SCEL: variants seen among roughly 807,000 people sequenced by gnomAD.
SCEL encodes the protein sciellin.
Under a neutral mutation model 117.6 loss-of-function variants are expected in SCEL, and 113 were observed. The observed-to-expected ratio is 0.96, with a 90% CI of 0.83 to 1.12. The LOEUF is 1.12. SCEL is among the 50% of genes most tolerant of loss of function. The pLI, the probability that SCEL is intolerant of heterozygous loss-of-function variation, is 0.00. For synonymous variants in SCEL, 270 were observed against 256.2 expected (o/e 1.05, Z -0.51); for missense variants, 785 against 810.8 (o/e 0.97, Z 0.39).
At chr13:77,599,602 G>T (rs541303234) in intron 14 of SCEL, 87 bp from the exon 15 acceptor site, 1 of 1,026,308 alleles carries the variant, frequency 9.7e-7, no homozygotes, top group African/African-American at 1.6e-5. Context: ...AATTCATGGA[G>T]AATGTTTATT....
In SCEL at chr13:77,593,646, A is replaced by G. The variant is rs186055347; in HGVS notation, c.752+73A>G. On this transcript the variant is annotated intron_variant, in intron 12 of 32. Transcript: ENST00000349847. ...TCAAAAATGCTTAACCACACCTTTAAAAGTTCCAAATATGAACAAAATCCT... is the reference window on the plus strand; with the variant it reads ...TCAAAAATGCTTAACCACACCTTTAGAAGTTCCAAATATGAACAAAATCCT... 6.4e-5 allele frequency: 69 copies of G among 1,080,334 alleles called. No homozygotes were observed. The African/African-American group carries it at 8.6e-4, about 13-fold the overall frequency. 66.9% of individuals were successfully genotyped at this position (1,080,334 alleles called of 1,614,324 possible).
At chr13:77,584,471 A>G (rs1289876654) in intron 9 of SCEL, among the ~76,000 whole-genome samples, 1 of 152,054 alleles carries the variant, frequency 6.6e-6, no homozygotes, top group Non-Finnish European at 1.5e-5. Flanking sequence ...CTGCACATCC[A>G]TCTTTCCCTT....
intron 12 of SCEL, 73 bp downstream of exon 12, chr13:77,593,646 A>T: frequency 9.3e-7 from 1 of 1,080,334 alleles, no homozygotes. Flanking sequence ...CACACCTTTA[A>T]AAGTTCCAAA....
chr13:77,622,537 A>G (rs2089480585), intron 27 of SCEL, among the ~76,000 whole-genome samples: 1 of 152,170 alleles, frequency 6.6e-6, no homozygotes, highest in African/African-American at 2.4e-5. Context: ...TAGCTCATAG[A>G]TAACTCACAT....
chr13:77,614,912 A>G (rs1245760548), intron 24 of SCEL, among the ~76,000 whole-genome samples: 1 of 152,124 alleles, frequency 6.6e-6, no homozygotes, highest in East Asian at 1.9e-4. Context: ...AGGTTGTGGA[A>G]GCCAAAAAGA....
intron 3 of SCEL, among the ~76,000 whole-genome samples, chr13:77,557,502 G>A (rs1211508985): frequency 7.9e-5 from 12 of 152,188 alleles, no homozygotes; most frequent in Admixed American, 7.9e-4. Flanking sequence ...CACAACGTAG[G>A]TGTTATATCT....
At chr13:77,556,020 AAC>A in intron 2 of SCEL, 102 bp downstream of exon 2, 1 of 818,620 alleles carries the variant, frequency 1.2e-6, no homozygotes, top group Non-Finnish European at 2.0e-6. Flanking sequence ...GCTTAGAAAC[AAC>A]AGTCTAATTT....
At chr13:77,624,989 C>A (rs1443393352) in intron 27 of SCEL, among the ~76,000 whole-genome samples, 1 of 152,148 alleles carries the variant, frequency 6.6e-6, no homozygotes, top group Non-Finnish European at 1.5e-5. Flanking sequence ...AGTAATGTGA[C>A]CCTACTCTCA....
At chr13:77,548,109 G>T (rs1053644048) in intron 1 of SCEL, among the ~76,000 whole-genome samples, 13 of 152,198 alleles carry the variant, frequency 8.5e-5, no homozygotes, top group Non-Finnish European at 1.8e-4. Context: ...AGGGAGGAAA[G>T]TTCAAACAAT....
chr13:77,569,216 G>A (rs1468681082), intron 7 of SCEL, among the ~76,000 whole-genome samples, 155 bp from the exon 8 acceptor site: 1 of 152,166 alleles, frequency 6.6e-6, no homozygotes, highest in Non-Finnish European at 1.5e-5. Context: ...TGTCAACTAA[G>A]GAAGAAGATT....
At chr13:77,585,335 G>A (rs1389244995) in intron 9 of SCEL, among the ~76,000 whole-genome samples, 2 of 152,144 alleles carry the variant, frequency 1.3e-5, no homozygotes, top group Non-Finnish European at 2.9e-5. Flanking sequence ...CTAAACCAAA[G>A]TCTGAAGGGC....
intron 1 of SCEL, among the ~76,000 whole-genome samples, chr13:77,539,910 AAGTT>A (rs1237032799): frequency 4.6e-5 from 7 of 152,278 alleles, no homozygotes; most frequent in African/African-American, 1.7e-4. Flanking sequence ...TCTAAAAAGG[AAGTT>A]AATGAAGGGT....
intron 28 of SCEL, among the ~76,000 whole-genome samples, chr13:77,631,835 G>A (rs1159886511): frequency 1.3e-5 from 2 of 152,186 alleles, no homozygotes; most frequent in Non-Finnish European, 2.9e-5. Context: ...GTCAGCATGG[G>A]CTGCCATAAC....
In SCEL at chr13:77,542,978, T is replaced by C. The variant is rs7336868; in HGVS notation, c.-20+7154T>C. 4.6e-3 allele frequency among the ~76,000 whole-genome samples: 693 copies of C among 152,246 alleles called. 5 individuals are homozygous for C. Among genetic ancestry groups the C allele is most frequent in the African/African-American group, 0.016 (647 of 41,546 alleles). On this transcript the variant is annotated intron_variant, in intron 1 of 32. Coordinates refer to ENST00000349847, the MANE Select transcript of SCEL (RefSeq NM_144777.3). ...GCACTGTTACCGCACCCTGAAACCC[T>C]CAGGACTTTTTCAGAAGCAAAAGTG... is the stretch of plus-strand genomic sequence containing the variant.
intron 2 of SCEL, 150 bp downstream of exon 2, chr13:77,556,068 T>C (rs904360595): frequency 7.8e-6 from 4 of 514,082 alleles, no homozygotes; most frequent in Non-Finnish European, 1.4e-5. Flanking sequence ...AGAAAAAGTA[T>C]ACTTGTCGCA....
At chr13:77,569,560 C>T in intron 8 of SCEL, 109 bp downstream of exon 8, 1 of 740,722 alleles carries the variant, frequency 1.4e-6, no homozygotes, top group African/African-American at 1.8e-5. Context: ...TCTGCTGTTC[C>T]CAAACTTCAG....
intron 19 of SCEL, among the ~76,000 whole-genome samples, chr13:77,607,263 C>T (rs2088277308): frequency 1.3e-5 from 2 of 152,174 alleles, no homozygotes; most frequent in Non-Finnish European, 2.9e-5. Flanking sequence ...GTTGCCCAGT[C>T]TGGCCTGGAT....
intron 3 of SCEL, among the ~76,000 whole-genome samples, chr13:77,558,969 C>T (rs909953362): frequency 7.2e-5 from 11 of 152,080 alleles, no homozygotes; most frequent in Admixed American, 5.2e-4. Flanking sequence ...GACTTCACTA[C>T]GTGTTTTGAC....
At chr13:77,538,432 A>C (rs922592693) in intron 1 of SCEL, among the ~76,000 whole-genome samples, 1 of 152,316 alleles carries the variant, frequency 6.6e-6, no homozygotes, top group Non-Finnish European at 1.5e-5. Context: ...AAAAGTCTTT[A>C]TCAGTTATAT....
Sources: gnomAD v4.1 joint callset for allele counts (sites outside exome capture counted in the v4.1 genomes callset) on GRCh38, gnomAD v4.1.1 for gene constraint, MANE v1.5 for transcripts, NCBI Gene and HGNC (gene_info 2026-07-23, HGNC 2026-07-21) for gene names.